The following SH3TC2 variants were observed in gnomAD, a reference collection of about 807,000 sequenced individuals.
The protein encoded by SH3TC2 is SH3 domain and tetratricopeptide repeats 2, also known as SH3 domain and tetratricopeptide repeat-containing protein 2.
SH3TC2 carries 87 observed loss-of-function variants against 124.5 expected under a neutral mutation model. The ratio of observed to expected loss-of-function variants is 0.70; its 90% CI spans 0.59 to 0.84. SH3TC2 has a LOEUF of 0.84. Ranked by LOEUF, SH3TC2 falls within the 40% of genes least tolerant of loss-of-function variation. The pLI, the probability that SH3TC2 is intolerant of heterozygous loss-of-function variation, is 0.00. For missense variants in SH3TC2, 1,536 were observed against 1,566.4 expected (o/e 0.98, Z 0.33); for synonymous variants, 634 against 628.5 (o/e 1.01, Z -0.13).
In SH3TC2 at chr5:148,997,529, A is replaced by T. The variant is rs1208756018; in HGVS notation, c.*7182T>A. 1.3e-5 allele frequency among the ~76,000 whole-genome samples: 2 copies of T among 152,214 alleles called. No homozygotes were observed. The highest frequency in any genetic ancestry group is 2.9e-5 in the Non-Finnish European group (2 of 68,048). On this transcript the variant is annotated 3_prime_UTR_variant, in exon 17 of 17. Transcript: ENST00000515425. Reference sequence around the variant, plus strand: ...TCAGTTCTCTCCAATCCTGTTCTAAAGTAACCAATTTTGATTGATTCAATT... The same window carrying T: ...TCAGTTCTCTCCAATCCTGTTCTAATGTAACCAATTTTGATTGATTCAATT...
intron 14 of SH3TC2, among the ~76,000 whole-genome samples, chr5:149,009,488 C>G (rs1254717400): frequency 6.6e-6 from 1 of 152,156 alleles, no homozygotes; most frequent in African/African-American, 2.4e-5. Context: ...TGAAAATAAG[C>G]CCCTCAACAG....
At position 148,994,623 on chromosome 5, in the gene SH3TC2, G is replaced by T. The variant is rs1753475120; in HGVS notation, c.*10088C>A. ...AGATGGTTGGTTGGTTGGTTGGTTG[G>T]TTGGTTGGTTGGTTGGTTGGTTGGT... On this transcript the variant is annotated 3_prime_UTR_variant, in exon 17 of 17. Coordinates refer to ENST00000515425, the MANE Select transcript of SH3TC2 (RefSeq NM_024577.4). Among the ~76,000 whole-genome samples, 1 of 151,194 alleles carries T rather than the reference G, an allele frequency of 6.6e-6. No homozygotes were observed. The highest frequency in any genetic ancestry group is 6.6e-5 in the Admixed American group (1 of 15,118).
At position 149,012,165 on chromosome 5, in the gene SH3TC2, T is replaced by C. The variant is rs1382963488; in HGVS notation, c.3204+419A>G. Among the ~76,000 whole-genome samples the C allele has an allele frequency of 5.3e-5, 8 of 152,068 alleles. No homozygotes were observed. In the East Asian group the frequency reaches 7.7e-4, roughly 15 times the overall value. Reference sequence around the variant, plus strand: ...TGTACCACATCTCTGATATTAAAAGTATGCAAACAAACAAAAAAATAAGAG... The same window carrying C: ...TGTACCACATCTCTGATATTAAAAGCATGCAAACAAACAAAAAAATAAGAG... On this transcript the variant is annotated intron_variant, in intron 13 of 16. Transcript: ENST00000515425.
At position 149,004,671 on chromosome 5, in the gene SH3TC2, G is replaced by A. The variant is rs1753653901; in HGVS notation, c.*40C>T. On this transcript the variant is annotated 3_prime_UTR_variant, in exon 17 of 17. Transcript: ENST00000515425. ...AAGAGCCTAGGGCAGTGGGGTCAGA[G>A]TCTGGCCATGCCAAATGTCCAGAGA... 2 of 1,606,686 alleles carry A rather than the reference G, an allele frequency of 1.2e-6. No homozygotes were observed. Among genetic ancestry groups the A allele is most frequent in the Non-Finnish European group, 8.5e-7 (1 of 1,176,028 alleles).
Position 149,002,069 on chromosome 5 carries a change from C to G in SH3TC2, c.*2642G>C, listed in dbSNP as rs1376113679. 6.6e-6 allele frequency: 1 copy of G among 152,606 alleles called. No individual in the cohort carries two copies. Among genetic ancestry groups the G allele is most frequent in the Non-Finnish European group, 1.5e-5 (1 of 68,052 alleles). 9.5% of individuals were successfully genotyped at this position (152,606 alleles called of 1,614,324 possible). ...TCCCTCTGTACTCTTCACCCACCGG[C>G]CAATATCAAAAGCCTCATGCAGTTG... On this transcript the variant is annotated 3_prime_UTR_variant, in exon 17 of 17. Transcript: ENST00000515425.
At position 148,995,207 on chromosome 5, in the gene SH3TC2, C is replaced by T. The variant is rs17722113; in HGVS notation, c.*9504G>A. 1.0e-3 allele frequency among the ~76,000 whole-genome samples: 157 copies of T among 152,254 alleles called. 6 individuals carry two copies. The East Asian group carries it at 0.028, about 27-fold the overall frequency. On this transcript the variant is annotated 3_prime_UTR_variant, in exon 17 of 17. Transcript: ENST00000515425. The stretch of plus-strand genomic sequence containing the variant: ...AGATCCTAAGTTCTGAAAGAGAAAA[C>T]GTGTATCAGAATTACATAATTATAT...
At position 148,998,039 on chromosome 5, in the gene SH3TC2, A is replaced by G. The variant is rs966810385; in HGVS notation, c.*6672T>C. ...TTTTTTAGAGACCACCCTCCAGGTC[A>G]GCACTTTTCAAACTACAGGTTAATG... On this transcript the variant is annotated 3_prime_UTR_variant, in exon 17 of 17. Coordinates refer to ENST00000515425, the MANE Select transcript of SH3TC2 (RefSeq NM_024577.4). Among the ~76,000 whole-genome samples, 1 of 152,240 alleles carries G rather than the reference A, an allele frequency of 6.6e-6. No individual in the cohort carries two copies.
intron 1 of SH3TC2, chr5:149,062,512 A>C: frequency 2.3e-6 from 1 of 442,494 alleles, no homozygotes; most frequent in Non-Finnish European, 4.5e-6. Flanking sequence ...ATCACTCTGT[A>C]ATAGGTGGAG....
At chr5:149,038,257 G>T (rs1561768714) in intron 8 of SH3TC2, 38 bp downstream of exon 8, 1 of 1,602,520 alleles carries the variant, frequency 6.2e-7, no homozygotes. Flanking sequence ...CTGGGAAAGG[G>T]AGCCCAGCTC....
At position 148,987,607 on chromosome 5, in the gene SH3TC2, A is replaced by T. The variant is rs548450777; in HGVS notation, c.*17104T>A. On this transcript the variant is annotated 3_prime_UTR_variant, in exon 17 of 17. Coordinates refer to ENST00000515425, the MANE Select transcript of SH3TC2 (RefSeq NM_024577.4). ...ACCTATAGCATTTTCAAAGAGTCTCACTATATATAAACACTGAAATAACTA... is the reference window on the plus strand; with the variant it reads ...ACCTATAGCATTTTCAAAGAGTCTCTCTATATATAAACACTGAAATAACTA... Among the ~76,000 whole-genome samples the T allele has an allele frequency of 4.6e-5, 7 of 152,192 alleles. No homozygotes were observed. The highest frequency in any genetic ancestry group is 8.8e-5 in the Non-Finnish European group (6 of 68,050).
At chr5:149,037,566 G>A (rs1754303569) in intron 8 of SH3TC2, among the ~76,000 whole-genome samples, 1 of 152,126 alleles carries the variant, frequency 6.6e-6, no homozygotes, top group Non-Finnish European at 1.5e-5. Context: ...CCAGTGTAGG[G>A]CGCTATGTTG....
At chr5:149,055,390 G>A (rs979463014) in intron 1 of SH3TC2, among the ~76,000 whole-genome samples, 5 of 151,836 alleles carry the variant, frequency 3.3e-5, no homozygotes, top group African/African-American at 4.8e-5. Flanking sequence ...TTTCACCAAT[G>A]ACAATATTCA....
intron 12 of SH3TC2, among the ~76,000 whole-genome samples, chr5:149,016,139 T>C (rs545058197): frequency 5.3e-4 from 80 of 152,334 alleles, no homozygotes; most frequent in African/African-American, 1.7e-3. Context: ...CAAAATCTCA[T>C]GTAATCATCA....
intron 12 of SH3TC2, among the ~76,000 whole-genome samples, chr5:149,017,960 C>T (rs887323231): frequency 6.6e-6 from 1 of 152,206 alleles, no homozygotes; most frequent in Non-Finnish European, 1.5e-5. Flanking sequence ...TATTTTCATA[C>T]TACAACTGCA....
intron 5 of SH3TC2, among the ~76,000 whole-genome samples, chr5:149,042,219 T>C (rs1481182615): frequency 6.6e-6 from 1 of 152,176 alleles, no homozygotes. Flanking sequence ...TATAAACAGA[T>C]CAAGAGGTGC....
chr5:149,007,001 A>C lies in SH3TC2; in HGVS notation c.3555T>G (p.Ala1185=), dbSNP rs755829382. ...VYYSLHMYEM[A]EDCYLKTLSL... ...ACAGGGTCTTCAGGTAGCAGTCCTCAGCCATCTCATACATGTGCAGGGAGT... is the reference window on the plus strand; with the variant it reads ...ACAGGGTCTTCAGGTAGCAGTCCTCCGCCATCTCATACATGTGCAGGGAGT... Residue 1185 remains alanine, a synonymous_variant, in exon 16 of 17, where the codon GCT becomes GCG. Transcript: ENST00000515425. 9.3e-6 allele frequency: 15 copies of C among 1,614,230 alleles called. No homozygotes were observed. Among genetic ancestry groups the C allele is most frequent in the Admixed American group, 1.7e-5 (1 of 60,026 alleles).
At chr5:149,021,810 A>T (rs1424900822) in intron 12 of SH3TC2, among the ~76,000 whole-genome samples, 1 of 150,720 alleles carries the variant, frequency 6.6e-6, no homozygotes, top group Admixed American at 6.6e-5. Context: ...GTAAGTCAAG[A>T]TTTAGAAGTC....
At chr5:149,042,868 C>A (rs528085532) in intron 4 of SH3TC2, 31 bp from the exon 5 acceptor site, 1 of 1,613,394 alleles carries the variant, frequency 6.2e-7, no homozygotes, top group African/African-American at 1.3e-5. Context: ...GATTTCTGAA[C>A]AAAATGATTT....
chr5:149,040,274 G>A lies in SH3TC2; in HGVS notation c.805+330C>T, dbSNP rs113147219. Among the ~76,000 whole-genome samples the A allele has an allele frequency of 2.7e-3, 404 of 152,260 alleles. 1 individual carries two copies. Among genetic ancestry groups the A allele is most frequent in the African/African-American group, 9.3e-3 (386 of 41,532 alleles). On this transcript the variant is annotated intron_variant, in intron 7 of 16. Coordinates refer to ENST00000515425, the MANE Select transcript of SH3TC2 (RefSeq NM_024577.4). ...AGCCCACAGGCCGCATTTGGCTCAC[G>A]AAACATTTAATTTGGCCCTGTTTTT...
Sources: gnomAD v4.1 joint callset for allele counts (sites outside exome capture counted in the v4.1 genomes callset) on GRCh38, gnomAD v4.1.1 for gene constraint, MANE v1.5 for transcripts, NCBI Gene and HGNC (gene_info 2026-07-23, HGNC 2026-07-21) for gene names.